The following CSMD1 variants were observed in gnomAD, a reference collection of about 807,000 sequenced individuals.
The protein encoded by CSMD1 is CUB and Sushi multiple domains 1, also known as CUB and sushi domain-containing protein 1.
Under a neutral mutation model 417.5 loss-of-function variants are expected in CSMD1, and 213 were observed. The observed-to-expected ratio is 0.51, with a 90% CI of 0.46 to 0.57. CSMD1 has a LOEUF of 0.57. CSMD1 is among the 20% of genes least tolerant of loss of function. The pLI is 0.00. For missense variants in CSMD1, 6,923 were observed against 4,529.7 expected (o/e 1.53, Z -15.17); for synonymous variants, 2,862 against 1,736.8 (o/e 1.65, Z -16.11).
Position 3,230,056 on chromosome 8 carries a change from G to C in CSMD1, c.4329C>G (p.Asp1443Glu), listed in dbSNP as rs1030522998. 1.1e-5 allele frequency: 17 copies of C among 1,606,224 alleles called. No homozygotes were observed. Among genetic ancestry groups the C allele is most frequent in the Non-Finnish European group, 1.4e-5 (17 of 1,175,858 alleles). ...QLNNRFFWQPDPPTCIAACGG... is the reference protein window; with the variant it reads ...QLNNRFFWQPEPPTCIAACGG... ...GTCTGATACCTATGCATGTAGGAGG[G>C]TCTGGTTGCCAAAAGAACCGGTTAT... Residue 1443 changes from aspartate to glutamate, a missense_variant, in exon 27 of 70, where the codon GAC (aspartate) becomes GAG (glutamate). Transcript: ENST00000635120.
At chr8:3,788,925 G>T (rs545179948) in intron 5 of CSMD1, among the ~76,000 whole-genome samples, 1 of 152,116 alleles carries the variant, frequency 6.6e-6, no homozygotes, top group South Asian at 2.1e-4. Flanking sequence ...TAGGCTATGG[G>T]TACGTATTTC....
chr8:3,447,593 G>A (rs996273494), intron 12 of CSMD1, among the ~76,000 whole-genome samples: 1 of 152,178 alleles, frequency 6.6e-6, no homozygotes, highest in Admixed American at 6.5e-5. Flanking sequence ...AGGTTCCGTA[G>A]GATTAGCCCC....
At chr8:3,032,964 T>G (rs1810441555) in intron 50 of CSMD1, among the ~76,000 whole-genome samples, 1 of 152,092 alleles carries the variant, frequency 6.6e-6, no homozygotes, top group African/African-American at 2.4e-5. Context: ...TGCCATTAAA[T>G]AAAATACCAC....
intron 3 of CSMD1, among the ~76,000 whole-genome samples, chr8:4,240,783 G>T (rs1802352039): frequency 2.0e-5 from 3 of 152,154 alleles, no homozygotes; most frequent in African/African-American, 7.2e-5. Context: ...TAATAAAAGT[G>T]ACAGCCAAAA....
At chr8:3,762,436 G>A (rs574764840) in intron 5 of CSMD1, among the ~76,000 whole-genome samples, 4 of 152,308 alleles carry the variant, frequency 2.6e-5, no homozygotes, top group East Asian at 1.9e-4. Context: ...CTTACCCTTT[G>A]CAGACATTTT....
intron 1 of CSMD1, among the ~76,000 whole-genome samples, chr8:4,827,102 C>G (rs1258764076): frequency 6.6e-6 from 1 of 152,070 alleles, no homozygotes; most frequent in African/African-American, 2.4e-5. Flanking sequence ...TGCCCTTGTC[C>G]TCAGGTGTGA....
intron 6 of CSMD1, among the ~76,000 whole-genome samples, chr8:3,722,344 T>A (rs774822458): frequency 1.3e-5 from 2 of 152,150 alleles, no homozygotes; most frequent in African/African-American, 2.4e-5. Context: ...GCTTGAGCTT[T>A]CATAAAATCT....
At chr8:3,926,291 G>A (rs1200833438) in intron 5 of CSMD1, among the ~76,000 whole-genome samples, 1 of 152,056 alleles carries the variant, frequency 6.6e-6, no homozygotes, top group Non-Finnish European at 1.5e-5. Context: ...CTCCCCTTGT[G>A]CCATGTATTT....
At chr8:4,445,109 A>C (rs751868339) in intron 2 of CSMD1, among the ~76,000 whole-genome samples, 1 of 152,256 alleles carries the variant, frequency 6.6e-6, no homozygotes, top group East Asian at 1.9e-4. Flanking sequence ...CAACAAAAAA[A>C]GTATGACTGG....
At chr8:3,639,106 G>C (rs370628256) in intron 7 of CSMD1, among the ~76,000 whole-genome samples, 2 of 152,136 alleles carry the variant, frequency 1.3e-5, no homozygotes, top group African/African-American at 2.4e-5. Context: ...AAATGCAAAG[G>C]ACTTCATTCT....
At chr8:4,358,495 C>G (rs571175979) in intron 3 of CSMD1, among the ~76,000 whole-genome samples, 3 of 152,332 alleles carry the variant, frequency 2.0e-5, no homozygotes, top group Admixed American at 6.5e-5. Context: ...GTGTATGTCT[C>G]CTTTTGCGAT....
intron 1 of CSMD1, among the ~76,000 whole-genome samples, chr8:4,651,316 A>G (rs998260889): frequency 4.6e-5 from 7 of 151,472 alleles, no homozygotes; most frequent in Non-Finnish European, 1.0e-4. Flanking sequence ...CCAGAAAAAA[A>G]AGTGTTGACA....
At chr8:4,528,360 A>G (rs1430482110) in intron 2 of CSMD1, among the ~76,000 whole-genome samples, 1 of 152,192 alleles carries the variant, frequency 6.6e-6, no homozygotes, top group Admixed American at 6.5e-5. Flanking sequence ...GAAGTCACAG[A>G]AAGACATTCC....
intron 2 of CSMD1, among the ~76,000 whole-genome samples, chr8:4,478,820 A>G (rs959594602): frequency 3.9e-5 from 6 of 152,236 alleles, no homozygotes; most frequent in Non-Finnish European, 8.8e-5. Context: ...GAATAGTTTC[A>G]ACATATTTCA....
intron 7 of CSMD1, chr8:3,702,095 G>T (rs1303596877): frequency 6.6e-6 from 1 of 152,030 alleles, no homozygotes; most frequent in Admixed American, 6.5e-5. Flanking sequence ...TTATAATGTT[G>T]TGTTGTTATT....
intron 5 of CSMD1, among the ~76,000 whole-genome samples, chr8:3,961,355 A>T (rs1812307188): frequency 6.6e-6 from 1 of 152,226 alleles, no homozygotes; most frequent in South Asian, 2.1e-4. Flanking sequence ...TAAGCCACTG[A>T]AGAACAAGGA....
chr8:3,539,403 G>A (rs1798345140), intron 10 of CSMD1, among the ~76,000 whole-genome samples: 1 of 152,084 alleles, frequency 6.6e-6, no homozygotes, highest in African/African-American at 2.4e-5. Flanking sequence ...TTGTTTCCAG[G>A]CTAATGCCTT....
intron 5 of CSMD1, among the ~76,000 whole-genome samples, chr8:3,831,813 C>T (rs1269925161): frequency 2.0e-5 from 3 of 152,100 alleles, no homozygotes; most frequent in African/African-American, 7.2e-5. Context: ...TGAAATGCTG[C>T]CCATCATAAT....
chr8:3,710,733 C>G (rs1453675487), intron 6 of CSMD1, among the ~76,000 whole-genome samples: 3 of 152,176 alleles, frequency 2.0e-5, no homozygotes, highest in Non-Finnish European at 2.9e-5. Flanking sequence ...GAGGCATCCT[C>G]CAACCTTCCA....
Sources: allele counts gnomAD v4.1 joint callset (sites outside exome capture counted in the v4.1 genomes callset), GRCh38; gene constraint gnomAD v4.1.1; transcripts MANE v1.5; gene names NCBI Gene and HGNC (gene_info 2026-07-23, HGNC 2026-07-21).